DNAH5: variants seen among roughly 807,000 people sequenced by gnomAD.
DNAH5 encodes dynein axonemal heavy chain 5.
Under a neutral mutation model 518.2 loss-of-function variants are expected in DNAH5, and 372 were observed. That is an observed-to-expected ratio of 0.72 (90% CI 0.66 to 0.78). The LOEUF (loss-of-function observed/expected upper bound fraction) is 0.78, where lower values mean the gene tolerates loss of function less well. Ranked by LOEUF, DNAH5 falls within the 30% of genes least tolerant of loss-of-function variation. The pLI is 0.00. For missense variants in DNAH5, 5,523 were observed against 5,687.0 expected (o/e 0.97, Z 0.93); for synonymous variants, 2,039 against 2,025.9 (o/e 1.01, Z -0.17).
At position 13,803,646 on chromosome 5, in the gene DNAH5, C is replaced by T. The variant is rs536188056; in HGVS notation, c.7887+3945G>A. Among the ~76,000 whole-genome samples the T allele has an allele frequency of 2.6e-5, 4 of 152,280 alleles. No individual in the cohort carries two copies. The East Asian group carries it at 5.8e-4, about 22-fold the overall frequency. ...GACATTTTAAGAGAGCTTTATGATA[C>T]AAATATACTTTCACATATTATCTCT... On this transcript the variant is annotated intron_variant, in intron 47 of 78. Transcript: ENST00000265104.
At chr5:13,696,628 A>G (rs1252290833) in intron 78 of DNAH5, among the ~76,000 whole-genome samples, 1 of 152,206 alleles carries the variant, frequency 6.6e-6, no homozygotes, top group East Asian at 1.9e-4. Context: ...CACTTTGGTC[A>G]TTAATGATGC....
In DNAH5 at chr5:13,824,184, A is replaced by G; in HGVS notation, c.6579+15T>C. 6.2e-7 allele frequency: 1 copy of G among 1,613,692 alleles called. No homozygotes were observed. ...ATATCCAAGTAGGTGGAACACTTCC[A>G]TCTGTGAGTCTTACCAGTTTAGAAA... is the stretch of plus-strand genomic sequence containing the variant. On this transcript the variant is annotated intron_variant, in intron 39 of 78. Transcript: ENST00000265104.
At chr5:14,001,020 T>C (rs1221602847) in intron 1 of DNAH5, among the ~76,000 whole-genome samples, 1 of 152,186 alleles carries the variant, frequency 6.6e-6, no homozygotes, top group African/African-American at 2.4e-5. Flanking sequence ...GAGGCCATTA[T>C]CCTAAGCAAA....
intron 60 of DNAH5, among the ~76,000 whole-genome samples, chr5:13,762,404 C>T (rs1220190221): frequency 1.3e-5 from 2 of 151,988 alleles, no homozygotes; most frequent in Non-Finnish European, 2.9e-5. Context: ...CAGTTTGCAG[C>T]GTTTTTTGTT....
At chr5:13,886,619 T>G (rs1772476362) in intron 17 of DNAH5, among the ~76,000 whole-genome samples, 2 of 152,172 alleles carry the variant, frequency 1.3e-5, no homozygotes. Flanking sequence ...TGGAGGAGAT[T>G]AGGTAGACAG....
In DNAH5 at chr5:13,867,953, C is replaced by T. The variant is rs1246330050; in HGVS notation, c.3874G>A (p.Ala1292Thr). ...ALLNRYGLLI[A>T]REEIDKVDTL... ...TCAACTTTGTCTATCTCTTCCCTTGCTATCAGAAGTCCATATCTGTTAAGC... is the reference window on the plus strand; with the variant it reads ...TCAACTTTGTCTATCTCTTCCCTTGTTATCAGAAGTCCATATCTGTTAAGC... The change falls in exon 25 of 79, where the codon GCA becomes ACA. Residue 1292 changes from alanine (A) to threonine (T), a missense_variant. Ala to Thr is a moderately conservative substitution (Grantham distance 58). Around this residue, in one of 3 missense-constraint regions of DNAH5, gnomAD observed 5,121 missense variants for 5,223.3 expected, o/e 0.98. Transcript: ENST00000265104. 12 of 1,613,786 alleles carry T rather than the reference C, an allele frequency of 7.4e-6. No homozygotes were observed. The highest frequency in any genetic ancestry group is 1.3e-5 in the African/African-American group (1 of 74,858).
intron 47 of DNAH5, among the ~76,000 whole-genome samples, chr5:13,804,399 C>T (rs963138986): frequency 3.9e-5 from 6 of 152,196 alleles, no homozygotes; most frequent in Non-Finnish European, 8.8e-5. Flanking sequence ...GAGAAATGGA[C>T]AGTATCTATT....
intron 60 of DNAH5, among the ~76,000 whole-genome samples, chr5:13,759,736 T>C (rs1301808564): frequency 2.0e-4 from 30 of 152,228 alleles, no homozygotes; most frequent in Non-Finnish European, 5.9e-5. Flanking sequence ...AAAAAGTAGT[T>C]CATGCCTAAG....
intron 1 of DNAH5, among the ~76,000 whole-genome samples, chr5:13,989,811 TTC>T (rs1783386215): frequency 1.3e-5 from 2 of 152,062 alleles, no homozygotes; most frequent in South Asian, 4.2e-4. Flanking sequence ...TGATTAATAT[TTC>T]TGAGACTTAG....
At chr5:13,791,564 T>G (rs1301323902) in intron 50 of DNAH5, among the ~76,000 whole-genome samples, 2 of 152,154 alleles carry the variant, frequency 1.3e-5, no homozygotes, top group Admixed American at 6.6e-5. Flanking sequence ...ACAAAATGGG[T>G]TTTTTAATTT....
At chr5:13,993,277 G>C (rs1023844277) in intron 1 of DNAH5, among the ~76,000 whole-genome samples, 1 of 152,198 alleles carries the variant, frequency 6.6e-6, no homozygotes, top group African/African-American at 2.4e-5. Context: ...TCAGAAAGGA[G>C]TTAAATACTC....
At position 13,714,628 on chromosome 5, in the gene DNAH5, ACAG is replaced by A. The variant is rs1177056825; in HGVS notation, c.12910-11_12910-9del. The A allele has an allele frequency of 6.2e-7, 1 of 1,613,610 alleles. No homozygotes were observed. Among genetic ancestry groups the A allele is most frequent in the East Asian group, 2.2e-5 (1 of 44,828 alleles). ...GTCATAGGCAGGCAAACTCTGAACA[ACAG>A]ACACCCCAGATAAGCACAGACTGCC... On this transcript the variant is annotated splice_polypyrimidine_tract_variant and intron_variant, in intron 74 of 78. Transcript: ENST00000265104.
intron 35 of DNAH5, among the ~76,000 whole-genome samples, chr5:13,833,631 C>G (rs1324763500): frequency 1.3e-5 from 2 of 152,074 alleles, no homozygotes; most frequent in Non-Finnish European, 2.9e-5. Flanking sequence ...TACACAGCTG[C>G]TAGGGGCAGA....
At chr5:13,704,989 G>C (rs1437504425) in intron 76 of DNAH5, among the ~76,000 whole-genome samples, 1 of 145,236 alleles carries the variant, frequency 6.9e-6, no homozygotes, top group Non-Finnish European at 1.5e-5. Flanking sequence ...TATACCAATA[G>C]ACAATTTTTT....
chr5:14,005,408 C>G (rs1457211618), intron 1 of DNAH5, among the ~76,000 whole-genome samples: 1 of 152,200 alleles, frequency 6.6e-6, no homozygotes, highest in African/African-American at 2.4e-5. Flanking sequence ...CATCTTTCAT[C>G]TCATTATCCT....
chr5:13,767,921 G>T (rs1223082194), intron 58 of DNAH5, among the ~76,000 whole-genome samples: 1 of 152,148 alleles, frequency 6.6e-6, no homozygotes, highest in African/African-American at 2.4e-5. Flanking sequence ...CACAAGATTT[G>T]TTGTCTTATT....
At chr5:13,709,965 A>C (rs564651076) in intron 75 of DNAH5, among the ~76,000 whole-genome samples, 6 of 152,182 alleles carry the variant, frequency 3.9e-5, no homozygotes, top group Admixed American at 3.9e-4. Flanking sequence ...ACCACAGCTG[A>C]TGCTCTCTGG....
intron 22 of DNAH5, 130 bp downstream of exon 22, chr5:13,876,554 A>G: frequency 9.3e-7 from 1 of 1,080,400 alleles, no homozygotes; most frequent in Non-Finnish European, 1.3e-6. Context: ...TGCTGAGCAC[A>G]TACAAGATGC....
chr5:13,766,308 G>A, intron 58 of DNAH5, 129 bp from the exon 59 acceptor site: 1 of 897,266 alleles, frequency 1.1e-6, no homozygotes, highest in East Asian at 2.5e-5. Flanking sequence ...AGGCCACAGG[G>A]TCTAGATGCA....
Sources: allele counts gnomAD v4.1 joint callset (sites outside exome capture counted in the v4.1 genomes callset), GRCh38; gene constraint gnomAD v4.1.1; regional missense constraint gnomAD v4.1.1; transcripts MANE v1.5; gene names NCBI Gene and HGNC (gene_info 2026-07-23, HGNC 2026-07-21).